Variants in SKAP2 observed in about 807,000 individuals in gnomAD.
SKAP2 encodes src kinase associated phosphoprotein 2.
In SKAP2, 28 loss-of-function variants were observed where a neutral mutation model predicts 54.9. The observed-to-expected ratio is 0.51, with a 90% CI of 0.38 to 0.70. SKAP2 has a LOEUF of 0.70. Among genes scored for constraint, SKAP2 ranks in the 30% least tolerant of loss-of-function variants. SKAP2 has a pLI of 0.00. For missense variants in SKAP2, 356 were observed against 424.1 expected, an observed-to-expected ratio of 0.84 and a Z score of 1.41; for synonymous variants, 137 against 134.3, an observed-to-expected ratio of 1.02 and a Z score of -0.14.
intron 4 of SKAP2, among the ~76,000 whole-genome samples, chr7:26,765,420 T>C (rs1362286131): frequency 1.3e-5 from 2 of 152,174 alleles, no homozygotes; most frequent in Non-Finnish European, 2.9e-5. Flanking sequence ...CTGTAGGTTG[T>C]CTCCTCATTC....
At chr7:26,825,580 TAA>T (rs3069884) in intron 4 of SKAP2, among the ~76,000 whole-genome samples, 65,125 of 128,874 alleles carry the variant, frequency 0.51, 15,613 homozygotes, top group South Asian at 0.57. Context: ...AGCAAACAGT[TAA>T]AAAAAAAAAA....
chr7:26,797,782 C>T (rs114637504), intron 4 of SKAP2, among the ~76,000 whole-genome samples: 3,978 of 151,976 alleles, frequency 0.026, 167 homozygotes, highest in African/African-American at 0.091. Context: ...TTCAAGATAA[C>T]ACAGAGAAGG....
intron 3 of SKAP2, among the ~76,000 whole-genome samples, chr7:26,852,452 C>T (rs1349241927): frequency 1.3e-5 from 2 of 152,140 alleles, no homozygotes; most frequent in East Asian, 3.8e-4. Context: ...AGGCTTACTT[C>T]TGAACAGGCA....
At chr7:26,713,375 C>T (rs1787351646) in intron 9 of SKAP2, among the ~76,000 whole-genome samples, 1 of 152,088 alleles carries the variant, frequency 6.6e-6, no homozygotes, top group East Asian at 1.9e-4. Context: ...CTCCCAGCAC[C>T]TAGAACAGAA....
intron 4 of SKAP2, among the ~76,000 whole-genome samples, chr7:26,787,085 C>T (rs1783563124): frequency 6.6e-6 from 1 of 152,164 alleles, no homozygotes; most frequent in Non-Finnish European, 1.5e-5. Context: ...CCAGCTATCT[C>T]ATATTAGAAT....
chr7:26,754,996 T>A (rs1001805006), intron 4 of SKAP2, among the ~76,000 whole-genome samples: 2 of 152,232 alleles, frequency 1.3e-5, no homozygotes, highest in African/African-American at 2.4e-5. Flanking sequence ...AATTTAGATA[T>A]GGTAAGATCT....
chr7:26,706,325 A>G (rs1213655700), intron 9 of SKAP2, among the ~76,000 whole-genome samples: 2 of 152,190 alleles, frequency 1.3e-5, no homozygotes, highest in Non-Finnish European at 2.9e-5. Flanking sequence ...TTGGCACCAA[A>G]TTTTGACATC....
chr7:26,676,243 T>C (rs1170614884), intron 11 of SKAP2, among the ~76,000 whole-genome samples: 2 of 152,212 alleles, frequency 1.3e-5, no homozygotes, highest in Non-Finnish European at 2.9e-5. Flanking sequence ...TATGCACTTA[T>C]TTATGTAAAG....
chr7:26,702,674 T>A (rs1021478747), intron 9 of SKAP2, among the ~76,000 whole-genome samples: 11 of 152,168 alleles, frequency 7.2e-5, no homozygotes, highest in Non-Finnish European at 1.6e-4. Context: ...TCCCTTGTGC[T>A]TAGTTTGCTG....
chr7:26,673,054 A>C (rs1786276581), intron 11 of SKAP2, among the ~76,000 whole-genome samples: 1 of 152,098 alleles, frequency 6.6e-6, no homozygotes, highest in African/African-American at 2.4e-5. Context: ...TAATTATAGT[A>C]TTGTTCTATA....
intron 4 of SKAP2, among the ~76,000 whole-genome samples, chr7:26,768,405 CTT>C (rs201653658): frequency 0.012 from 1,799 of 151,916 alleles, 37 homozygotes; most frequent in African/African-American, 0.04. Flanking sequence ...GGTCTTGACT[CTT>C]TATACAATTT....
the SKAP2 span, among the ~76,000 whole-genome samples, chr7:26,659,426 G>T: frequency 2.6e-5 from 4 of 152,004 alleles, no homozygotes; most frequent in African/African-American, 9.7e-5. Flanking sequence ...TGCAGCAAGA[G>T]GTGTAATGAA....
At chr7:26,660,979 G>A in the SKAP2 span, among the ~76,000 whole-genome samples, 9 of 151,988 alleles carry the variant, frequency 5.9e-5, no homozygotes, top group African/African-American at 2.2e-4. Context: ...AATCTTCAGC[G>A]ACTCTGCATA....
At chr7:26,725,888 AG>A (rs750614643) in intron 8 of SKAP2, 34 bp downstream of exon 8, 35 of 1,531,342 alleles carry the variant, frequency 2.3e-5, no homozygotes, top group Non-Finnish European at 3.2e-5. Context: ...TAGTATTTAA[AG>A]ACTGTGATAA....
chr7:26,812,232 A>T (rs1020396922), intron 4 of SKAP2, among the ~76,000 whole-genome samples: 2 of 152,198 alleles, frequency 1.3e-5, no homozygotes, highest in African/African-American at 4.8e-5. Context: ...CTTAGTAAGT[A>T]AATAGAGTGA....
chr7:26,701,147 AAAG>A (rs1787013125), intron 9 of SKAP2, among the ~76,000 whole-genome samples: 1 of 152,198 alleles, frequency 6.6e-6, no homozygotes. Context: ...AGCCTGGAAC[AAAG>A]AAGGAGTTTG....
intron 9 of SKAP2, among the ~76,000 whole-genome samples, chr7:26,724,988 A>G (rs1008934720): frequency 1.3e-5 from 2 of 152,102 alleles, no homozygotes; most frequent in African/African-American, 4.8e-5. Context: ...TACTACAAGC[A>G]AGGAGAAATA....
Position 26,822,878 on chromosome 7 carries a change from G to A in SKAP2, c.307+21152C>T, listed in dbSNP as rs369698958. Among the ~76,000 whole-genome samples, 459 of 150,152 alleles carry A rather than the reference G, an allele frequency of 3.1e-3. 1 individual carries two copies. Among genetic ancestry groups the A allele is most frequent in the Middle Eastern group, 0.01 (3 of 292 alleles). ...AGCCTGGGCGACACAGCGAGACTCC[G>A]TCTCAAAAAAAAAAAAAATTACCCA... On this transcript the variant is annotated intron_variant, in intron 4 of 12. Coordinates refer to ENST00000345317, the MANE Select transcript of SKAP2 (RefSeq NM_003930.5).
At chr7:26,782,990 A>G (rs1049998232) in intron 4 of SKAP2, among the ~76,000 whole-genome samples, 1 of 152,230 alleles carries the variant, frequency 6.6e-6, no homozygotes, top group Non-Finnish European at 1.5e-5. Context: ...AAAGAACACC[A>G]GAATGTACCA....
Sources: gnomAD v4.1 joint callset for allele counts (sites outside exome capture counted in the v4.1 genomes callset) on GRCh38, gnomAD v4.1.1 for gene constraint, MANE v1.5 for transcripts, NCBI Gene and HGNC (gene_info 2026-07-23, HGNC 2026-07-21) for gene names.